Variants in ADGRL3 observed in about 807,000 individuals in gnomAD.
The protein encoded by ADGRL3 is adhesion G protein-coupled receptor L3.
Under a neutral mutation model 153.5 loss-of-function variants are expected in ADGRL3, and 62 were observed. That is an observed-to-expected ratio of 0.40 (90% CI 0.33 to 0.50). The LOEUF (loss-of-function observed/expected upper bound fraction) is 0.50. Ranked by LOEUF, ADGRL3 falls within the 20% of genes least tolerant of loss-of-function variation. ADGRL3 has a pLI of 0.47. For synonymous variants in ADGRL3, 710 were observed against 672.5 expected (o/e 1.06, Z -0.86); for missense variants, 1,641 against 1,859.4 (o/e 0.88, Z 2.16).
chr4:61,385,986 T>C (rs2096731667), intron 2 of ADGRL3, among the ~76,000 whole-genome samples: 1 of 152,166 alleles, frequency 6.6e-6, no homozygotes, highest in Non-Finnish European at 1.5e-5. Flanking sequence ...GTGAGTGCTA[T>C]TTTCATCTGT....
At chr4:61,921,783 C>A (rs1008482502) in intron 13 of ADGRL3, among the ~76,000 whole-genome samples, 10 of 152,180 alleles carry the variant, frequency 6.6e-5, no homozygotes, top group African/African-American at 1.9e-4. Flanking sequence ...CTTTATAAAT[C>A]TTGTCATACA....
intron 21 of ADGRL3, among the ~76,000 whole-genome samples, chr4:62,006,034 T>TATATATA (rs1560495406): frequency 1.1e-5 from 1 of 94,606 alleles, no homozygotes; most frequent in African/African-American, 3.9e-5. Context: ...ATATATATAT[T>TATATATA]TTTTTTTTTT....
chr4:61,963,673 T>A (rs143244814), intron 17 of ADGRL3, among the ~76,000 whole-genome samples: 118 of 152,306 alleles, frequency 7.7e-4, no homozygotes, highest in African/African-American at 2.8e-3. Flanking sequence ...TTAATGGGCA[T>A]CTAGGTTGAT....
At chr4:61,667,763 T>C (rs2094850209) in intron 5 of ADGRL3, among the ~76,000 whole-genome samples, 7 of 152,204 alleles carry the variant, frequency 4.6e-5, no homozygotes, top group Admixed American at 2.6e-4. Context: ...ACAAACATAA[T>C]CTTTTAACCA....
At chr4:61,613,851 A>G (rs2091683854) in intron 5 of ADGRL3, among the ~76,000 whole-genome samples, 1 of 152,154 alleles carries the variant, frequency 6.6e-6, no homozygotes, top group Non-Finnish European at 1.5e-5. Context: ...ATCACCTATA[A>G]AAATGAACAA....
chr4:61,872,656 A>T (rs566627378), intron 9 of ADGRL3, among the ~76,000 whole-genome samples: 242 of 92,290 alleles, frequency 2.6e-3, no homozygotes, highest in African/African-American at 0.01. Context: ...AACCTTGTTT[A>T]AAAAAAAAAA....
intron 5 of ADGRL3, among the ~76,000 whole-genome samples, chr4:61,588,269 G>A (rs1366396555): frequency 6.6e-6 from 1 of 151,410 alleles, no homozygotes; most frequent in African/African-American, 2.4e-5. Context: ...TTAAATATAG[G>A]GAAAACTATA....
chr4:61,983,059 T>C (rs1336731778), intron 18 of ADGRL3, among the ~76,000 whole-genome samples: 1 of 152,136 alleles, frequency 6.6e-6, no homozygotes, highest in African/African-American at 2.4e-5. Flanking sequence ...AAAAAATTCT[T>C]AAAATCTATT....
At chr4:61,835,531 C>CA (rs2097922517) in intron 9 of ADGRL3, among the ~76,000 whole-genome samples, 1 of 151,974 alleles carries the variant, frequency 6.6e-6, no homozygotes, top group Admixed American at 6.6e-5. Flanking sequence ...AAAAATAAAT[C>CA]CTTTTAAACT....
At chr4:62,000,948 A>AT (rs1218658068) in intron 21 of ADGRL3, among the ~76,000 whole-genome samples, 2 of 151,514 alleles carry the variant, frequency 1.3e-5, no homozygotes, top group African/African-American at 2.4e-5. Flanking sequence ...CACCTGGCTA[A>AT]TTTTTTTGTG....
At chr4:61,806,117 G>A (rs189167918) in intron 8 of ADGRL3, among the ~76,000 whole-genome samples, 2 of 152,194 alleles carry the variant, frequency 1.3e-5, no homozygotes, top group African/African-American at 4.8e-5. Flanking sequence ...AGAGATTCTG[G>A]TGGGTCCTAG....
At chr4:61,500,313 T>G (rs2098373156) in intron 3 of ADGRL3, among the ~76,000 whole-genome samples, 1 of 152,214 alleles carries the variant, frequency 6.6e-6, no homozygotes, top group African/African-American at 2.4e-5. Context: ...AAGTTGGTTT[T>G]GTCTTCCTTC....
chr4:62,065,354 T>A (rs1742435486), intron 25 of ADGRL3, among the ~76,000 whole-genome samples: 1 of 152,068 alleles, frequency 6.6e-6, no homozygotes, highest in Non-Finnish European at 1.5e-5. Context: ...TGTCCCTATT[T>A]CATTGTAGCA....
chr4:61,744,815 C>G (rs1005717717), intron 8 of ADGRL3, among the ~76,000 whole-genome samples: 4 of 152,168 alleles, frequency 2.6e-5, no homozygotes, highest in Non-Finnish European at 5.9e-5. Context: ...CACCTCTCCC[C>G]CTCCAAAGGA....
At chr4:61,731,375 T>C (rs185936499) in intron 7 of ADGRL3, among the ~76,000 whole-genome samples, 1 of 152,236 alleles carries the variant, frequency 6.6e-6, no homozygotes, top group East Asian at 1.9e-4. Context: ...TAATCACTAA[T>C]GCCAAAATAA....
At chr4:61,620,464 G>T in intron 5 of ADGRL3, among the ~76,000 whole-genome samples, 1 of 152,104 alleles carries the variant, frequency 6.6e-6, no homozygotes, top group East Asian at 1.9e-4. Context: ...TAAAATGAAA[G>T]TAAAGCTACT....
chr4:61,878,432 G>C (rs986006858), intron 9 of ADGRL3, among the ~76,000 whole-genome samples: 1 of 152,160 alleles, frequency 6.6e-6, no homozygotes, highest in African/African-American at 2.4e-5. Context: ...TATTACTATA[G>C]CTATAAAAGT....
At chr4:61,885,143 G>A (rs983428194) in intron 9 of ADGRL3, among the ~76,000 whole-genome samples, 1 of 151,884 alleles carries the variant, frequency 6.6e-6, no homozygotes, top group Admixed American at 6.6e-5. Flanking sequence ...TGGCGTGGTG[G>A]TGCATGCCTG....
intron 1 of ADGRL3, among the ~76,000 whole-genome samples, chr4:61,300,888 C>G (rs1026776277): frequency 6.6e-6 from 1 of 151,892 alleles, no homozygotes; most frequent in African/African-American, 2.4e-5. Context: ...CCACAGCCTC[C>G]CGAGTAGCTG....
Sources: allele counts gnomAD v4.1 joint callset (sites outside exome capture counted in the v4.1 genomes callset), GRCh38; gene constraint gnomAD v4.1.1; transcripts MANE v1.5; gene names NCBI Gene and HGNC (gene_info 2026-07-23, HGNC 2026-07-21).